Variants in NOL4 observed in about 807,000 individuals in gnomAD.
The protein encoded by NOL4 is nucleolar protein 4.
Under a neutral mutation model 75.9 loss-of-function variants are expected in NOL4, and 17 were observed. The observed-to-expected ratio is 0.22, with a 90% CI of 0.15 to 0.34. NOL4 has a LOEUF of 0.34. Among genes scored for constraint, NOL4 ranks in the 10% least tolerant of loss-of-function variants. The pLI, the probability that NOL4 is intolerant of heterozygous loss-of-function variation, is 1.00. For missense variants in NOL4, 614 were observed against 793.5 expected (o/e 0.77, Z 2.72); for synonymous variants, 292 against 289.9 (o/e 1.01, Z -0.07).
Position 33,944,220 on chromosome 18 carries a change from C to A in NOL4, c.1429-1042G>T, listed in dbSNP as rs190531725. Among the ~76,000 whole-genome samples, 38 of 151,820 alleles carry A rather than the reference C, an allele frequency of 2.5e-4. No individual in the cohort carries two copies. In the East Asian group the frequency reaches 4.3e-3, roughly 17 times the overall value. On this transcript the variant is annotated intron_variant, in intron 8 of 10. Coordinates refer to ENST00000261592, the MANE Select transcript of NOL4 (RefSeq NM_003787.5). ...ATGTGTGAATGCTATTTATTAGAAG[C>A]CTGAACTAATTGAGACCTTTTGAAT...
At chr18:34,062,935 A>G (rs2077125819) in intron 5 of NOL4, among the ~76,000 whole-genome samples, 1 of 152,178 alleles carries the variant, frequency 6.6e-6, no homozygotes, top group South Asian at 2.1e-4. Flanking sequence ...TTTGTCAAAT[A>G]TAATGCCATT....
chr18:34,138,854 A>G (rs1392252432), intron 1 of NOL4, among the ~76,000 whole-genome samples: 1 of 152,166 alleles, frequency 6.6e-6, no homozygotes, highest in Non-Finnish European at 1.5e-5. Context: ...ATGTCCCATC[A>G]ATACCTAATT....
intron 4 of NOL4, among the ~76,000 whole-genome samples, chr18:34,101,442 A>G (rs558153588): frequency 6.6e-6 from 1 of 152,210 alleles, no homozygotes; most frequent in South Asian, 2.1e-4. Context: ...AGAGACAAAA[A>G]TCTCTTATCA....
At chr18:34,152,313 G>A (rs897049378) in intron 1 of NOL4, among the ~76,000 whole-genome samples, 14 of 151,822 alleles carry the variant, frequency 9.2e-5, no homozygotes, top group Admixed American at 3.3e-4. Context: ...GTAAAAATAG[G>A]ACTCTTAAAA....
intron 9 of NOL4, among the ~76,000 whole-genome samples, chr18:33,894,350 C>T (rs1384116027): frequency 1.3e-5 from 2 of 152,064 alleles, no homozygotes; most frequent in African/African-American, 4.8e-5. Context: ...GATACGCATA[C>T]CCTCACATAT....
At chr18:33,951,846 C>G (rs1307578820) in intron 8 of NOL4, among the ~76,000 whole-genome samples, 1 of 152,068 alleles carries the variant, frequency 6.6e-6, no homozygotes, top group African/African-American at 2.4e-5. Context: ...AGAGAATGAG[C>G]CTTTCTTGGG....
At chr18:34,095,598 C>T (rs545133216) in intron 4 of NOL4, among the ~76,000 whole-genome samples, 1 of 152,152 alleles carries the variant, frequency 6.6e-6, no homozygotes, top group African/African-American at 2.4e-5. Context: ...AATTGTGCTG[C>T]TCTCACAGAG....
chr18:34,134,649 C>T (rs2080817426), intron 1 of NOL4, among the ~76,000 whole-genome samples: 1 of 151,690 alleles, frequency 6.6e-6, no homozygotes, highest in South Asian at 2.1e-4. Context: ...TAAAAAAAAA[C>T]TAATAGACAT....
chr18:33,883,524 G>GA, intron 9 of NOL4, 100 bp from the exon 10 acceptor site: 1 of 815,450 alleles, frequency 1.2e-6, no homozygotes. Flanking sequence ...CATTGAATAA[G>GA]AAAAAATATA....
intron 2 of NOL4, among the ~76,000 whole-genome samples, chr18:34,113,136 T>TTTTTG (rs150317037): frequency 1.3e-5 from 2 of 151,834 alleles, no homozygotes; most frequent in East Asian, 3.9e-4. Context: ...AGCCCAACTT[T>TTTTTG]TTTTGTTTTG....
At chr18:34,087,945 T>C (rs922112228) in intron 5 of NOL4, among the ~76,000 whole-genome samples, 1 of 151,978 alleles carries the variant, frequency 6.6e-6, no homozygotes, top group African/African-American at 2.4e-5. Flanking sequence ...TAAGCTGACA[T>C]ACAGAGAATT....
rs531710145 is a variant in NOL4, at chr18:33,916,545, T to C, written c.1542+26520A>G. 2.6e-5 allele frequency among the ~76,000 whole-genome samples: 4 copies of C among 151,966 alleles called. No homozygotes were observed. The South Asian group carries it at 6.2e-4, about 24-fold the overall frequency. ...TCAGTGAACCACAAGTATAAATTAA[T>C]TTTGTTAGGCAATTAAGAAAGCAAA... On this transcript the variant is annotated intron_variant, in intron 9 of 10. Coordinates refer to ENST00000261592, the MANE Select transcript of NOL4 (RefSeq NM_003787.5).
chr18:34,030,742 T>C (rs577728784), intron 5 of NOL4, among the ~76,000 whole-genome samples: 3 of 152,024 alleles, frequency 2.0e-5, no homozygotes, highest in Non-Finnish European at 4.4e-5. Context: ...AAATAATAAA[T>C]GCTTTAGGTA....
intron 1 of NOL4, among the ~76,000 whole-genome samples, chr18:34,137,814 G>A (rs200091755): frequency 8.8e-4 from 86 of 97,748 alleles, no homozygotes; most frequent in Admixed American, 2.3e-3. Flanking sequence ...ACACACGCAC[G>A]CACACATACA....
At chr18:33,919,478 A>G (rs1017001456) in intron 9 of NOL4, among the ~76,000 whole-genome samples, 7 of 152,188 alleles carry the variant, frequency 4.6e-5, no homozygotes, top group African/African-American at 1.4e-4. Context: ...CGCTGCCTTC[A>G]GTGGTCACTT....
intron 10 of NOL4, among the ~76,000 whole-genome samples, chr18:33,873,052 T>A (rs1250744212): frequency 2.6e-5 from 4 of 151,954 alleles, no homozygotes; most frequent in African/African-American, 9.7e-5. Flanking sequence ...ATATAATAAC[T>A]GCATAATTCC....
At chr18:34,105,415 G>T (rs573017344) in intron 2 of NOL4, among the ~76,000 whole-genome samples, 17 of 151,854 alleles carry the variant, frequency 1.1e-4, no homozygotes, top group Non-Finnish European at 1.9e-4. Context: ...TTTATATTTT[G>T]CATTTCTTTT....
At chr18:34,138,351 G>A (rs576863753) in intron 1 of NOL4, among the ~76,000 whole-genome samples, 2 of 152,184 alleles carry the variant, frequency 1.3e-5, no homozygotes, top group Non-Finnish European at 2.9e-5. Context: ...GCAGTGAGTC[G>A]TGATTGTGTC....
intron 8 of NOL4, among the ~76,000 whole-genome samples, chr18:33,946,463 A>G (rs1244837864): frequency 1.3e-5 from 2 of 151,754 alleles, no homozygotes; most frequent in Non-Finnish European, 3.0e-5. Context: ...ACTTGCTCAC[A>G]ATTATGCAGC....
Sources: gnomAD v4.1 joint callset for allele counts (sites outside exome capture counted in the v4.1 genomes callset) on GRCh38, gnomAD v4.1.1 for gene constraint, MANE v1.5 for transcripts, NCBI Gene and HGNC (gene_info 2026-07-23, HGNC 2026-07-21) for gene names.